The following HYDIN variants were observed in gnomAD, a reference collection of about 807,000 sequenced individuals.
HYDIN encodes axonemal central pair apparatus protein HYDIN.
HYDIN carries 132 observed loss-of-function variants against 403.9 expected under a neutral mutation model. The observed-to-expected ratio is 0.33, with a 90% CI of 0.28 to 0.38. The LOEUF is 0.38. HYDIN is among the 10% of genes least tolerant of loss of function. The pLI, the probability that HYDIN is intolerant of heterozygous loss-of-function variation, is 1.00. For synonymous variants in HYDIN, 1,202 were observed against 1,891.7 expected (o/e 0.64, Z 9.46); for missense variants, 2,827 against 5,009.5 (o/e 0.56, Z 13.15).
intron 6 of HYDIN, among the ~76,000 whole-genome samples, chr16:71,162,163 A>T (rs1349535676): frequency 6.6e-6 from 1 of 151,492 alleles, no homozygotes; most frequent in Non-Finnish European, 1.5e-5. Context: ...TAAGCTACTG[A>T]GTTTGTGACA....
chr16:70,982,270 T>G (rs1358200916), intron 28 of HYDIN, among the ~76,000 whole-genome samples: 1 of 151,480 alleles, frequency 6.6e-6, no homozygotes, highest in Non-Finnish European at 1.5e-5. Context: ...TAGAAAAATA[T>G]GAATAACAAA....
chr16:70,862,320 C>T lies in HYDIN; in HGVS notation c.11570-65G>A, dbSNP rs980336938. Reference sequence around the variant, plus strand: ...AGTGAGAGGCAGGTGGAAGGGAGCCCACTTACAGGTCCTTAGGGGCCCTCT... The same window carrying T: ...AGTGAGAGGCAGGTGGAAGGGAGCCTACTTACAGGTCCTTAGGGGCCCTCT... On this transcript the variant is annotated intron_variant, in intron 68 of 85. Transcript: ENST00000393567. 11 of 968,242 alleles carry T rather than the reference C, an allele frequency of 1.1e-5. No individual in the cohort carries two copies. In the East Asian group the frequency reaches 2.0e-4, roughly 18 times the overall value. 60.0% of individuals were successfully genotyped at this position (968,242 alleles called of 1,614,324 possible). A position where few individuals can be genotyped will look rare whatever the true frequency, so the allele number is the denominator to read the frequency against.
chr16:70,905,847 T>C (rs2076521423), intron 50 of HYDIN, among the ~76,000 whole-genome samples: 2 of 151,728 alleles, frequency 1.3e-5, no homozygotes, highest in Non-Finnish European at 1.5e-5. Flanking sequence ...GTTCTGTACC[T>C]CATGTCCATC....
intron 29 of HYDIN, among the ~76,000 whole-genome samples, chr16:70,981,157 T>A (rs972094812): frequency 1.3e-5 from 2 of 152,138 alleles, no homozygotes; most frequent in Non-Finnish European, 2.9e-5. Flanking sequence ...CTGATCCCTC[T>A]GTCAGTAATT....
chr16:71,224,636 A>T (rs1207734795), intron 1 of HYDIN, among the ~76,000 whole-genome samples: 1 of 134,108 alleles, frequency 7.5e-6, no homozygotes, highest in African/African-American at 2.9e-5. Flanking sequence ...ATCTCGGCTC[A>T]CTGCAAGCTC....
intron 1 of HYDIN, among the ~76,000 whole-genome samples, chr16:71,229,055 G>T (rs2041164468): frequency 6.7e-6 from 1 of 148,462 alleles, no homozygotes; most frequent in Non-Finnish European, 1.5e-5. Flanking sequence ...CTATCACAAG[G>T]ACAAAAAACC....
rs1366724906 is a variant in HYDIN at position 70,825,340 on chromosome 16, G to A, written c.14427+1921C>T. ...TGTGAGTATTTTTTTCATTCACCCT[G>A]TTTGGCAACTTGATGGACCCATTCG... On this transcript the variant is annotated intron_variant, in intron 83 of 85. Coordinates refer to ENST00000393567, the MANE Select transcript of HYDIN (RefSeq NM_001270974.2). 1.0e-4 allele frequency among the ~76,000 whole-genome samples: 15 copies of A among 149,592 alleles called. No individual in the cohort carries two copies. The East Asian group carries it at 2.9e-3, about 29-fold the overall frequency.
intron 41 of HYDIN, among the ~76,000 whole-genome samples, chr16:70,947,388 G>A (rs1403143888): frequency 1.3e-5 from 2 of 152,018 alleles, no homozygotes; most frequent in African/African-American, 4.8e-5. Context: ...CAGGGATGAA[G>A]CCCACTTGAT....
intron 1 of HYDIN, among the ~76,000 whole-genome samples, chr16:71,205,721 T>C (rs1055335811): frequency 1.3e-5 from 2 of 152,214 alleles, no homozygotes; most frequent in South Asian, 2.1e-4. Flanking sequence ...TATGCAACAC[T>C]TGCTGGAGCC....
chr16:71,213,963 C>T (rs1190446677), intron 1 of HYDIN, among the ~76,000 whole-genome samples: 1 of 151,800 alleles, frequency 6.6e-6, no homozygotes, highest in Non-Finnish European at 1.5e-5. Flanking sequence ...AAAAAAGACT[C>T]AAGGAAAGGA....
chr16:71,067,823 T>C (rs1396000589), intron 14 of HYDIN, among the ~76,000 whole-genome samples: 2 of 152,020 alleles, frequency 1.3e-5, no homozygotes, highest in African/African-American at 4.8e-5. Context: ...GAAATAACCA[T>C]GTCAGTTCCA....
intron 41 of HYDIN, among the ~76,000 whole-genome samples, chr16:70,949,261 A>C (rs1446784129): frequency 1.4e-5 from 2 of 141,274 alleles, no homozygotes; most frequent in African/African-American, 5.2e-5. Context: ...TGAACAATGA[A>C]AACACATGGA....
intron 1 of HYDIN, among the ~76,000 whole-genome samples, chr16:71,208,737 C>G (rs1689438311): frequency 6.6e-6 from 1 of 152,066 alleles, no homozygotes; most frequent in Non-Finnish European, 1.5e-5. Flanking sequence ...CCACTGACCC[C>G]ACAGAAATAC....
chr16:70,916,861 C>T (rs1243085972), intron 47 of HYDIN, among the ~76,000 whole-genome samples: 1 of 151,408 alleles, frequency 6.6e-6, no homozygotes, highest in East Asian at 1.9e-4. Context: ...TCCTTCCTTC[C>T]TTGCTTCCTT....
chr16:70,994,314 G>T (rs926898507), intron 23 of HYDIN, among the ~76,000 whole-genome samples: 5 of 145,444 alleles, frequency 3.4e-5, no homozygotes, highest in Non-Finnish European at 7.6e-5. Flanking sequence ...TGGATGGATG[G>T]GTGTGTGGAA....
intron 41 of HYDIN, among the ~76,000 whole-genome samples, chr16:70,944,290 C>T (rs2077779826): frequency 6.6e-6 from 1 of 152,230 alleles, no homozygotes; most frequent in Non-Finnish European, 1.5e-5. Flanking sequence ...CATTCCAATG[C>T]AATCCACCAT....
intron 36 of HYDIN, among the ~76,000 whole-genome samples, chr16:70,966,154 C>A (rs958237343): frequency 6.6e-6 from 1 of 152,060 alleles, no homozygotes; most frequent in Admixed American, 6.6e-5. Context: ...GCCATCTCAT[C>A]ACAGTTCATC....
chr16:71,059,115 T>C (rs1260092759), intron 18 of HYDIN, among the ~76,000 whole-genome samples: 1 of 152,196 alleles, frequency 6.6e-6, no homozygotes, highest in Non-Finnish European at 1.5e-5. Flanking sequence ...AAAAGTTGTA[T>C]GTTTCTTTTG....
chr16:70,976,786 G>T (rs1288244831), intron 30 of HYDIN, among the ~76,000 whole-genome samples: 5 of 152,198 alleles, frequency 3.3e-5, no homozygotes, highest in African/African-American at 1.2e-4. Flanking sequence ...GTCTAAAATG[G>T]ATTTTTAGGG....
Sources: allele counts gnomAD v4.1 joint callset (sites outside exome capture counted in the v4.1 genomes callset), GRCh38; gene constraint gnomAD v4.1.1; transcripts MANE v1.5; gene names NCBI Gene and HGNC (gene_info 2026-07-23, HGNC 2026-07-21).